The following RHBDL3 variants were observed in gnomAD, a reference collection of about 807,000 sequenced individuals.
The protein encoded by RHBDL3 is rhomboid like 3.
RHBDL3 carries 28 observed loss-of-function variants against 48.2 expected under a neutral mutation model. The ratio of observed to expected loss-of-function variants is 0.58; its 90% CI spans 0.43 to 0.80. The LOEUF (loss-of-function observed/expected upper bound fraction) is 0.80. Ranked by LOEUF, RHBDL3 falls within the 30% of genes least tolerant of loss-of-function variation. RHBDL3 has a pLI of 0.00. For missense variants in RHBDL3, 464 were observed against 542.7 expected (o/e 0.85, Z 1.44); for synonymous variants, 208 against 232.3 (o/e 0.90, Z 0.95).
In RHBDL3 at chr17:32,321,345, C is replaced by G. The variant is rs2041128447; in HGVS notation, c.*116C>G. 1 of 1,554,830 alleles carries G rather than the reference C, an allele frequency of 6.4e-7. No individual in the cohort carries two copies. The highest frequency in any genetic ancestry group is 8.7e-7 in the Non-Finnish European group (1 of 1,154,934). On this transcript the variant is annotated 3_prime_UTR_variant, in exon 9 of 9. Transcript: ENST00000269051. ...GCCGGGCAGACAAGGACAGAAGACT[C>G]TGGGCCACTGTAATGTTTGTGTTTA...
intron 8 of RHBDL3, among the ~76,000 whole-genome samples, chr17:32,317,819 G>A (rs560805059): frequency 6.6e-6 from 1 of 152,312 alleles, no homozygotes; most frequent in African/African-American, 2.4e-5. Context: ...AGGCTGCAGT[G>A]TGGAGAATAG....
In RHBDL3 at chr17:32,321,464, T is replaced by A; in HGVS notation, c.*235T>A. ...GTTTTTCTCGGCTGCTCTGATGACA[T>A]CGGGCCAGGGTGAAGGTCTGGGGTG... On this transcript the variant is annotated 3_prime_UTR_variant, in exon 9 of 9. Coordinates refer to ENST00000269051, the MANE Select transcript of RHBDL3 (RefSeq NM_138328.3). 1 of 1,219,722 alleles carries A rather than the reference T, an allele frequency of 8.2e-7. No individual in the cohort carries two copies. The highest frequency in any genetic ancestry group is 1.5e-5 in the South Asian group (1 of 68,844). 75.6% of individuals were successfully genotyped at this position (1,219,722 alleles called of 1,614,324 possible).
At chr17:32,282,947 T>C (rs2040093548) in intron 2 of RHBDL3, among the ~76,000 whole-genome samples, 2 of 152,178 alleles carry the variant, frequency 1.3e-5, no homozygotes, top group Admixed American at 1.3e-4. Flanking sequence ...AAATAGCCCA[T>C]GACTGAGACT....
chr17:32,286,639 C>T (rs1416309834), intron 3 of RHBDL3, among the ~76,000 whole-genome samples: 1 of 152,250 alleles, frequency 6.6e-6, no homozygotes, highest in African/African-American at 2.4e-5. Context: ...AACTCCTCTG[C>T]ATCCTTTGTG....
chr17:32,292,323 G>C (rs1323113890), intron 4 of RHBDL3, among the ~76,000 whole-genome samples: 2 of 152,146 alleles, frequency 1.3e-5, no homozygotes, highest in Non-Finnish European at 2.9e-5. Context: ...AAACAGTCTG[G>C]CGTTGCCTCA....
At chr17:32,288,081 C>G (rs577797505) in intron 3 of RHBDL3, among the ~76,000 whole-genome samples, 1 of 152,340 alleles carries the variant, frequency 6.6e-6, no homozygotes, top group African/African-American at 2.4e-5. Flanking sequence ...GGAGTGGTGA[C>G]CTTCCCCAGG....
chr17:32,311,525 C>T (rs1399672589), intron 7 of RHBDL3, among the ~76,000 whole-genome samples: 2 of 152,218 alleles, frequency 1.3e-5, no homozygotes, highest in African/African-American at 4.8e-5. Flanking sequence ...ACCAGGAGCC[C>T]AGTCAGCTCA....
chr17:32,293,747 G>C (rs1008912537), intron 4 of RHBDL3, among the ~76,000 whole-genome samples: 1 of 152,112 alleles, frequency 6.6e-6, no homozygotes, highest in Non-Finnish European at 1.5e-5. Context: ...TGCTTAGCAC[G>C]GAGGAAGTGT....
chr17:32,317,671 A>G (rs1225899528), intron 8 of RHBDL3, among the ~76,000 whole-genome samples: 6 of 152,232 alleles, frequency 3.9e-5, no homozygotes, highest in Non-Finnish European at 8.8e-5. Context: ...AGTTAGTGAA[A>G]TAGTATGAGT....
At chr17:32,316,093 G>A (rs1217904276) in intron 7 of RHBDL3, 139 bp from the exon 8 acceptor site, 4 of 678,678 alleles carry the variant, frequency 5.9e-6, no homozygotes, top group South Asian at 5.3e-5. Context: ...GCCATGTGGT[G>A]TGTTCTGCTA....
Position 32,309,179 on chromosome 17 carries a change from AGTGT to A in RHBDL3, c.882+3772_882+3775del, listed in dbSNP as rs61558385. Reference sequence around the variant, plus strand: ...TTTCAGCTTCAAAATGAAGGTTTGGAGTGTGTGTGTGTGTGTGTGTGTGTGTGTG... The same window carrying A: ...TTTCAGCTTCAAAATGAAGGTTTGGAGTGTGTGTGTGTGTGTGTGTGTGTG... On this transcript the variant is annotated intron_variant, in intron 7 of 8. Coordinates refer to ENST00000269051, the MANE Select transcript of RHBDL3 (RefSeq NM_138328.3). Among the ~76,000 whole-genome samples the A allele has an allele frequency of 5.1e-3, 771 of 149,718 alleles. 4 individuals carry two copies. Among genetic ancestry groups the A allele is most frequent in the African/African-American group, 0.014 (571 of 41,056 alleles).
intron 4 of RHBDL3, among the ~76,000 whole-genome samples, chr17:32,291,718 G>A (rs975096782): frequency 7.3e-5 from 11 of 151,252 alleles, no homozygotes; most frequent in South Asian, 2.1e-4. Flanking sequence ...TCTTCCTGGG[G>A]TTGCTGGAGA....
chr17:32,282,557 A>C (rs1453361158), intron 2 of RHBDL3, among the ~76,000 whole-genome samples: 1 of 152,184 alleles, frequency 6.6e-6, no homozygotes, highest in Non-Finnish European at 1.5e-5. Context: ...CAAGAGTGAG[A>C]TCCTGTCTAA....
At chr17:32,301,550 G>C (rs1424936954) in intron 6 of RHBDL3, among the ~76,000 whole-genome samples, 2 of 152,144 alleles carry the variant, frequency 1.3e-5, no homozygotes, top group Non-Finnish European at 2.9e-5. Flanking sequence ...GGCGGGCATG[G>C]TGGCTCACAC....
At chr17:32,275,779 C>T (rs2039882772) in intron 2 of RHBDL3, among the ~76,000 whole-genome samples, 2 of 152,004 alleles carry the variant, frequency 1.3e-5, no homozygotes. Context: ...GAGGGCTGAG[C>T]TGCCTCCCGC....
intron 3 of RHBDL3, among the ~76,000 whole-genome samples, chr17:32,287,436 T>C (rs1415259942): frequency 6.6e-6 from 1 of 152,162 alleles, no homozygotes; most frequent in Non-Finnish European, 1.5e-5. Context: ...TTTGTAGGCA[T>C]GGAGAGAATG....
At chr17:32,293,989 G>A (rs1218087166) in intron 4 of RHBDL3, among the ~76,000 whole-genome samples, 3 of 152,102 alleles carry the variant, frequency 2.0e-5, no homozygotes, top group Admixed American at 1.3e-4. Flanking sequence ...TTAGCCAGGC[G>A]TGGTGGCACA....
At chr17:32,275,746 G>A (rs1367314846) in intron 2 of RHBDL3, among the ~76,000 whole-genome samples, 1 of 152,168 alleles carries the variant, frequency 6.6e-6, no homozygotes, top group Non-Finnish European at 1.5e-5. Flanking sequence ...GGCTGCTTGG[G>A]GCTTTTGGGA....
chr17:32,296,266 GAAAA>G (rs1022466429), intron 5 of RHBDL3, among the ~76,000 whole-genome samples: 1 of 133,688 alleles, frequency 7.5e-6, no homozygotes. Context: ...AAAGAAAAAA[GAAAA>G]AAAACAGAAA....
Sources: gnomAD v4.1 joint callset for allele counts (sites outside exome capture counted in the v4.1 genomes callset) on GRCh38, gnomAD v4.1.1 for gene constraint, MANE v1.5 for transcripts, NCBI Gene and HGNC (gene_info 2026-07-23, HGNC 2026-07-21) for gene names.